WBP11: variants seen among roughly 807,000 people sequenced by gnomAD.
WBP11 encodes the protein WW domain binding protein 11.
A neutral mutation model predicts 66.7 loss-of-function variants in WBP11; 12 were observed. That is an observed-to-expected ratio of 0.18 (90% CI 0.12 to 0.29). The LOEUF (loss-of-function observed/expected upper bound fraction) is 0.29, where lower values mean the gene tolerates loss of function less well. Ranked by LOEUF, WBP11 falls within the 10% of genes least tolerant of loss-of-function variation. The probability of loss-of-function intolerance (pLI) is 1.00; values close to 1 mark genes in which losing one functional copy is unlikely to be tolerated. For missense variants in WBP11, 555 were observed against 818.3 expected (o/e 0.68, Z 3.93); for synonymous variants, 255 against 273.8 (o/e 0.93, Z 0.68).
At chr12:14,789,579 C>T (rs775906031) in intron 10 of WBP11, among the ~76,000 whole-genome samples, 14 of 151,654 alleles carry the variant, frequency 9.2e-5, no homozygotes, top group African/African-American at 3.2e-4. Context: ...AACAAGACTC[C>T]GTCTTAAAAA....
At chr12:14,797,890 C>T (rs939780052) in intron 4 of WBP11, among the ~76,000 whole-genome samples, 1 of 152,198 alleles carries the variant, frequency 6.6e-6, no homozygotes, top group Non-Finnish European at 1.5e-5. Flanking sequence ...GGCTAACAGA[C>T]ATCAGACTAG....
chr12:14,803,076 TGACC>T (rs141114030), intron 1 of WBP11, among the ~76,000 whole-genome samples: 2,522 of 152,350 alleles, frequency 0.017, 27 homozygotes, highest in Non-Finnish European at 0.023. Context: ...TAGCGACGGC[TGACC>T]GACCATGACT....
intron 8 of WBP11, among the ~76,000 whole-genome samples, chr12:14,793,490 C>T (rs368094569): frequency 1.3e-5 from 2 of 152,142 alleles, no homozygotes; most frequent in African/African-American, 4.8e-5. Context: ...CCTTTTACCC[C>T]AAAGTGAACT....
intron 7 of WBP11, 61 bp from the exon 8 acceptor site, chr12:14,793,983 C>A: frequency 7.7e-7 from 1 of 1,294,332 alleles, no homozygotes; most frequent in Non-Finnish European, 1.0e-6. Flanking sequence ...TACATGGTAC[C>A]CAGAAATACA....
In WBP11 at chr12:14,787,063, T is replaced by G. The variant is rs146578533; in HGVS notation, c.*2A>C. The G allele has an allele frequency of 3.7e-6, 6 of 1,608,242 alleles. No individual in the cohort carries two copies. The highest frequency in any genetic ancestry group is 1.3e-5 in the African/African-American group (1 of 74,782). Reference sequence around the variant, plus strand: ...AGAAGCCTTTTCTGGCATCAAAAGCTGTCACAGTAGCCCTTCCATCTCTTT... The same window carrying G: ...AGAAGCCTTTTCTGGCATCAAAAGCGGTCACAGTAGCCCTTCCATCTCTTT... On this transcript the variant is annotated 3_prime_UTR_variant, in exon 12 of 12. Transcript: ENST00000261167.
rs1362065167 is a variant in WBP11 at position 14,786,693 on chromosome 12, A to C, written c.*372T>G. The C allele has an allele frequency of 6.0e-6, 1 of 165,494 alleles. No individual in the cohort carries two copies. The highest frequency in any genetic ancestry group is 1.3e-5 in the Non-Finnish European group (1 of 76,988). 10.3% of individuals were successfully genotyped at this position (165,494 alleles called of 1,614,324 possible). A position where few individuals can be genotyped will look rare whatever the true frequency, so the allele number is the denominator to read the frequency against. On this transcript the variant is annotated 3_prime_UTR_variant, in exon 12 of 12. Coordinates refer to ENST00000261167, the MANE Select transcript of WBP11 (RefSeq NM_016312.3). Reference sequence around the variant, plus strand: ...CAAACACAAAAGGCAAGATGAAATAAACTGTTTTTTTTTCTCCAGAAATCT... The same window carrying C: ...CAAACACAAAAGGCAAGATGAAATACACTGTTTTTTTTTCTCCAGAAATCT...
In WBP11 at chr12:14,785,334, AT is replaced by A. The variant is rs1454830470; in HGVS notation, c.*1730del. The A allele has an allele frequency of 9.8e-5, 15 of 152,336 alleles. No homozygotes were observed. The highest frequency in any genetic ancestry group is 3.6e-4 in the African/African-American group (15 of 41,574). The allele number at this position is 152,336 out of a possible 1,614,324, so 9.4% of individuals were successfully genotyped here. ...TAAGTTTCAAGTAAGACCATTAAAA[AT>A]ATTTCAGATCAAGTATTGGGAAATA... On this transcript the variant is annotated 3_prime_UTR_variant, in exon 12 of 12. Coordinates refer to ENST00000261167, the MANE Select transcript of WBP11 (RefSeq NM_016312.3).
chr12:14,796,765 A>G lies in WBP11; in HGVS notation c.387+42T>C, dbSNP rs912544279. The stretch of plus-strand genomic sequence containing the variant: ...TTTGCATAAGGGATACTCAATCTGT[A>G]TAATATTTTAGTTTATCTCTCAAAA... On this transcript the variant is annotated intron_variant, in intron 5 of 11. Transcript: ENST00000261167. This position sits in a 1 kb window ranked among gnomAD's most constrained non-coding sequence, Gnocchi z 4.5. The G allele has an allele frequency of 1.1e-5, 17 of 1,553,250 alleles. No homozygotes were observed. The highest frequency in any genetic ancestry group is 2.2e-4 in the Middle Eastern group (1 of 4,630).
At chr12:14,800,503 CA>C (rs1337407512) in intron 3 of WBP11, among the ~76,000 whole-genome samples, 1 of 151,852 alleles carries the variant, frequency 6.6e-6, no homozygotes, top group Non-Finnish European at 1.5e-5. Context: ...GAATTATTTT[CA>C]AAAGTATTTT....
intron 8 of WBP11, 33 bp downstream of exon 8, chr12:14,793,698 G>C (rs984918263): frequency 1.3e-6 from 2 of 1,599,924 alleles, no homozygotes; most frequent in Admixed American, 1.7e-5. Flanking sequence ...TCTCTTTATT[G>C]ATCAATACCA....
chr12:14,800,924 C>A, intron 2 of WBP11, 141 bp from the exon 3 acceptor site: 1 of 640,240 alleles, frequency 1.6e-6, no homozygotes. Flanking sequence ...ATTCTCTCCA[C>A]TACATGCCAA....
intron 1 of WBP11, among the ~76,000 whole-genome samples, chr12:14,801,723 T>C (rs1592224281): frequency 6.6e-6 from 1 of 152,188 alleles, no homozygotes; most frequent in Admixed American, 6.5e-5. Context: ...TGTCAACTGA[T>C]AAAAACAACT....
chr12:14,792,487 C>T (rs1167839792), intron 8 of WBP11, among the ~76,000 whole-genome samples: 2 of 131,690 alleles, frequency 1.5e-5, no homozygotes, highest in Non-Finnish European at 1.8e-5. Flanking sequence ...GAGTGAGTAT[C>T]AACTCAGAGT....
At chr12:14,795,481 G>A (rs868020909) in intron 5 of WBP11, among the ~76,000 whole-genome samples, 2 of 152,100 alleles carry the variant, frequency 1.3e-5, no homozygotes, top group East Asian at 3.9e-4. Context: ...CCTGTAATCC[G>A]AGCATTTTGG....
intron 1 of WBP11, 88 bp downstream of exon 1, chr12:14,803,264 G>A (rs949997024): frequency 2.5e-6 from 1 of 395,146 alleles, no homozygotes; most frequent in Non-Finnish European, 4.5e-6. Flanking sequence ...GCGGGGCAAA[G>A]GGGCTGGGTG....
intron 5 of WBP11, among the ~76,000 whole-genome samples, chr12:14,795,413 C>T (rs1435729278): frequency 6.6e-6 from 1 of 152,152 alleles, no homozygotes; most frequent in Non-Finnish European, 1.5e-5. Flanking sequence ...AGCACCAGAA[C>T]TACCCTATTT....
Position 14,786,734 on chromosome 12 carries a change from C to G in WBP11, c.*331G>C, listed in dbSNP as rs1949758248. 5.0e-6 allele frequency: 1 copy of G among 200,334 alleles called. No homozygotes were observed. Among genetic ancestry groups the G allele is most frequent in the Non-Finnish European group, 1.0e-5 (1 of 98,960 alleles). 12.4% of individuals were successfully genotyped at this position (200,334 alleles called of 1,614,324 possible). A position where few individuals can be genotyped will look rare whatever the true frequency, so the allele number is the denominator to read the frequency against. ...CCAGAAATCTCTACTCCAGTGCCCA[C>G]AGCACACAAGAGTCAAAACAAATAA... On this transcript the variant is annotated 3_prime_UTR_variant, in exon 12 of 12. Coordinates refer to ENST00000261167, the MANE Select transcript of WBP11 (RefSeq NM_016312.3).
chr12:14,796,903 T>C lies in WBP11; in HGVS notation c.291A>G (p.Glu97=). The change falls in exon 5 of 12, where the codon GAA becomes GAG. Residue 97 remains glutamate (E), a synonymous_variant. Transcript: ENST00000261167. The surrounding 1 kb of genome is among the most constrained non-coding windows in gnomAD (Gnocchi z 4.5). ...ETFERILRLY[E]KENPDIYKEL... ...CTTTGTAAATATCTGGATTCTCTTT[T>C]TCATAGAGTCGTAGAATACGTTCAA... 1 of 1,613,012 alleles carries C rather than the reference T, an allele frequency of 6.2e-7. No individual in the cohort carries two copies. Among genetic ancestry groups the C allele is most frequent in the East Asian group, 2.2e-5 (1 of 44,822 alleles).
rs974167700 is a variant in WBP11, at chr12:14,796,699, C to A, written c.387+108G>T. The A allele has an allele frequency of 1.4e-5, 14 of 1,025,126 alleles. No homozygotes were observed. The highest frequency in any genetic ancestry group is 2.1e-5 in the South Asian group (1 of 48,282). The allele number at this position is 1,025,126 out of a possible 1,614,324, so 63.5% of individuals were successfully genotyped here. On this transcript the variant is annotated intron_variant, in intron 5 of 11. Coordinates refer to ENST00000261167, the MANE Select transcript of WBP11 (RefSeq NM_016312.3). This position sits in a 1 kb window ranked among gnomAD's most constrained non-coding sequence, Gnocchi z 4.5. ...AAAACAAAACAAAATATAAAAAAAA[C>A]CCAACAACCCTAAATCCAAAACACT...
Sources: allele counts gnomAD v4.1 joint callset (sites outside exome capture counted in the v4.1 genomes callset), GRCh38; gene constraint gnomAD v4.1.1; non-coding constraint Gnocchi (gnomAD v3.1); transcripts MANE v1.5; gene names NCBI Gene and HGNC (gene_info 2026-07-23, HGNC 2026-07-21).